Variants in FH observed in about 807,000 individuals in gnomAD.
The protein encoded by FH is fumarate hydratase, mitochondrial.
A neutral mutation model predicts 49.4 loss-of-function variants in FH; 22 were observed. The observed-to-expected ratio is 0.45, with a 90% confidence interval of 0.32 to 0.64. The LOEUF (loss-of-function observed/expected upper bound fraction) is 0.64. Ranked by LOEUF, FH falls within the 30% of genes least tolerant of loss-of-function variation. The pLI is 0.05. For missense variants in FH, 526 were observed against 641.5 expected (o/e 0.82, Z 1.95); for synonymous variants, 208 against 223.0 (o/e 0.93, Z 0.60).
chr1:241,510,370 A>T (rs1660053819), intron 4 of FH, among the ~76,000 whole-genome samples: 1 of 152,206 alleles, frequency 6.6e-6, no homozygotes. Context: ...AAAGGACACA[A>T]GAGCCAAATG....
At chr1:241,504,348 A>C in intron 6 of FH, 103 bp from the exon 7 acceptor site, 1 of 1,134,786 alleles carries the variant, frequency 8.8e-7, no homozygotes, top group Non-Finnish European at 1.3e-6. Flanking sequence ...AAAAAATAAA[A>C]ATTTTACTTC....
intron 9 of FH, among the ~76,000 whole-genome samples, chr1:241,498,272 C>T (rs372648828): frequency 3.9e-5 from 6 of 152,000 alleles, no homozygotes; most frequent in African/African-American, 7.3e-5. Context: ...TATAGCACCA[C>T]GACATAAAAA....
intron 4 of FH, among the ~76,000 whole-genome samples, chr1:241,511,310 G>A (rs919387101): frequency 6.6e-6 from 1 of 152,166 alleles, no homozygotes; most frequent in African/African-American, 2.4e-5. Flanking sequence ...ATTGGCCAGT[G>A]GCCTGACCTC....
intron 5 of FH, 44 bp from the exon 6 acceptor site, chr1:241,506,212 T>C: frequency 1.4e-6 from 2 of 1,448,572 alleles, no homozygotes; most frequent in Non-Finnish European, 9.6e-7. Flanking sequence ...TAATTCCTAA[T>C]AGCTTACAAG....
At chr1:241,500,390 T>C (rs201695078) in intron 9 of FH, 47 bp downstream of exon 9, 2 of 1,594,598 alleles carry the variant, frequency 1.3e-6, no homozygotes, top group Non-Finnish European at 8.6e-7. Context: ...TGGTTTAGCT[T>C]TTTAATTTTG....
intron 9 of FH, among the ~76,000 whole-genome samples, chr1:241,499,029 A>C (rs2147912159): frequency 6.6e-6 from 1 of 152,212 alleles, no homozygotes; most frequent in Non-Finnish European, 1.5e-5. Flanking sequence ...TTCTTAAAGC[A>C]GAAATGCTTT....
At chr1:241,514,533 C>A (rs1436634026) in intron 2 of FH, among the ~76,000 whole-genome samples, 1 of 151,906 alleles carries the variant, frequency 6.6e-6, no homozygotes, top group Non-Finnish European at 1.5e-5. Context: ...TTGTATAGAT[C>A]CCACACCAGG....
chr1:241,507,744 C>T (rs986215783), intron 5 of FH, among the ~76,000 whole-genome samples: 3 of 152,154 alleles, frequency 2.0e-5, no homozygotes, highest in African/African-American at 7.2e-5. Flanking sequence ...GTCCTAAGTA[C>T]TAATGATGCA....
chr1:241,502,882 C>G (rs1463868575), intron 7 of FH, among the ~76,000 whole-genome samples: 1 of 152,136 alleles, frequency 6.6e-6, no homozygotes, highest in Non-Finnish European at 1.5e-5. Flanking sequence ...AGATGCAGGC[C>G]CTGCCCTCGC....
intron 2 of FH, among the ~76,000 whole-genome samples, chr1:241,515,702 T>C (rs1244254226): frequency 6.6e-6 from 1 of 152,244 alleles, no homozygotes; most frequent in East Asian, 1.9e-4. Context: ...CTAGGCTTAC[T>C]AGCCTATCCT....
At position 241,497,740 on chromosome 1, in the gene FH, T is replaced by G; in HGVS notation, c.*88A>C. 1 of 1,262,376 alleles carries G rather than the reference T, an allele frequency of 7.9e-7. No homozygotes were observed. Among genetic ancestry groups the G allele is most frequent in the Non-Finnish European group, 1.1e-6 (1 of 899,542 alleles). 78.2% of individuals were successfully genotyped at this position (1,262,376 alleles called of 1,614,324 possible). On this transcript the variant is annotated 3_prime_UTR_variant, in exon 10 of 10. Transcript: ENST00000366560. ...AGAGATGCTTAAGTTCAATAGCAGT[T>G]TCCTTTCAAACTTATCCGTTTTTAA... is the stretch of plus-strand genomic sequence containing the variant.
intron 2 of FH, among the ~76,000 whole-genome samples, chr1:241,514,467 AG>A (rs1414843835): frequency 2.6e-5 from 4 of 152,210 alleles, no homozygotes; most frequent in Non-Finnish European, 2.9e-5. Context: ...ATGAAAACCT[AG>A]TTTTTATAAG....
In FH at chr1:241,517,175, C is replaced by T. The variant is rs1660239794; in HGVS notation, c.267+7G>A. 1.2e-6 allele frequency: 2 copies of T among 1,614,098 alleles called. No homozygotes were observed. The highest frequency in any genetic ancestry group is 1.6e-4 in the Middle Eastern group (1 of 6,062). ...AAATAGCCAACATTTCCACAAATGC[C>T]ACTTACTGGCATGCGTTCTGTCACA... On this transcript the variant is annotated splice_region_variant and intron_variant, in intron 2 of 9. Transcript: ENST00000366560.
At chr1:241,513,187 C>T (rs1389217283) in intron 3 of FH, among the ~76,000 whole-genome samples, 2 of 151,960 alleles carry the variant, frequency 1.3e-5, no homozygotes, top group South Asian at 2.1e-4. Context: ...ACTATATATA[C>T]AGTTCTGTTA....
In FH at chr1:241,505,992, T is replaced by G. The variant is rs2147917478; in HGVS notation, c.904+11A>C. ...AAATGAAAATGAGAAATAATTCACG[T>G]GATCACTAACCTGTAAGTGCAGCCA... is the stretch of plus-strand genomic sequence containing the variant. On this transcript the variant is annotated intron_variant, in intron 6 of 9. Coordinates refer to ENST00000366560, the MANE Select transcript of FH (RefSeq NM_000143.4). 1 of 1,613,294 alleles carries G rather than the reference T, an allele frequency of 6.2e-7. No individual in the cohort carries two copies. The highest frequency in any genetic ancestry group is 8.5e-7 in the Non-Finnish European group (1 of 1,179,304).
At chr1:241,514,599 T>G (rs969313361) in intron 2 of FH, among the ~76,000 whole-genome samples, 10 of 151,920 alleles carry the variant, frequency 6.6e-5, no homozygotes, top group Non-Finnish European at 1.0e-4. Context: ...GAATGATGAA[T>G]GTATAAGAGA....
intron 3 of FH, among the ~76,000 whole-genome samples, chr1:241,512,760 A>G (rs1660119559): frequency 6.6e-6 from 1 of 152,210 alleles, no homozygotes; most frequent in Non-Finnish European, 1.5e-5. Flanking sequence ...CCACTTTAAA[A>G]TAAAACTTTT....
chr1:241,513,537 C>T, intron 3 of FH, 66 bp downstream of exon 3: 1 of 1,148,370 alleles, frequency 8.7e-7, no homozygotes, highest in African/African-American at 1.5e-5. Context: ...TCTGCCAGAG[C>T]ATATCGTCAT....
In FH at chr1:241,508,697, T is replaced by A. The variant is rs770141324; in HGVS notation, c.644A>T (p.His215Leu). 2 of 1,613,620 alleles carry A rather than the reference T, an allele frequency of 1.2e-6. No individual in the cohort carries two copies. Among genetic ancestry groups the A allele is most frequent in the Non-Finnish European group, 1.7e-6 (2 of 1,179,524 alleles). The change falls in exon 5 of 10, where the codon CAT (histidine) becomes CTT (leucine). Residue 215 changes from histidine (H) to leucine (L), a missense_variant. This residue lies in a region of FH where 383 missense variants were observed against 514.0 expected (regional missense o/e 0.75). Transcript: ENST00000366560. ...TTTGGATTTTGCATCAAGAGCATCA[T>A]GTAACTTCTGTAGTCCTGGTAACAG... ...EVLLPGLQKL[H>L]DALDAKSKEF... is the part of the protein sequence containing the mutation.
Sources: gnomAD v4.1 joint callset for allele counts (sites outside exome capture counted in the v4.1 genomes callset) on GRCh38, gnomAD v4.1.1 for gene constraint, gnomAD v4.1.1 regional missense constraint, MANE v1.5 for transcripts, NCBI Gene and HGNC (gene_info 2026-07-23, HGNC 2026-07-21) for gene names.